The following KLF12 variants were observed in gnomAD, a reference collection of about 807,000 sequenced individuals.
The protein encoded by KLF12 is Krueppel-like factor 12.
In KLF12, 9 loss-of-function variants were observed where a neutral mutation model predicts 37.8. The observed-to-expected ratio is 0.24, with a 90% confidence interval of 0.14 to 0.42. The LOEUF is 0.42. Ranked by LOEUF, KLF12 falls within the 10% of genes least tolerant of loss-of-function variation. The probability of loss-of-function intolerance (pLI) is 1.00; values close to 1 mark genes in which losing one functional copy is unlikely to be tolerated. For missense variants in KLF12, 411 were observed against 516.0 expected (o/e 0.80, Z 1.97); for synonymous variants, 208 against 202.1 (o/e 1.03, Z -0.25).
intron 2 of KLF12, among the ~76,000 whole-genome samples, 195 bp from the exon 3 acceptor site, chr13:73,944,265 C>T (rs1413616106): frequency 6.6e-6 from 1 of 152,110 alleles, no homozygotes; most frequent in Non-Finnish European, 1.5e-5. Flanking sequence ...AATGACCAAG[C>T]AGTTGAATTA....
intron 2 of KLF12, among the ~76,000 whole-genome samples, chr13:73,956,738 T>C (rs764820305): frequency 2.0e-5 from 3 of 151,750 alleles, no homozygotes; most frequent in Non-Finnish European, 2.9e-5. Flanking sequence ...CCTGGCAACA[T>C]AGCAAGACCC....
At chr13:74,287,348 T>TAGAGAGAGAGAG in the KLF12 span, among the ~76,000 whole-genome samples, 1 of 11,262 alleles carries the variant, frequency 8.9e-5, no homozygotes, top group South Asian at 3.8e-3. Flanking sequence ...TCTATCAAAG[T>TAGAGAGAGAGAG]TGAGAGAGAG....
At chr13:73,919,926 C>T (rs988870604) in intron 3 of KLF12, among the ~76,000 whole-genome samples, 6 of 151,934 alleles carry the variant, frequency 3.9e-5, no homozygotes, top group African/African-American at 1.5e-4. Context: ...AATTTTTCTC[C>T]CCTGAATTTT....
the KLF12 span, among the ~76,000 whole-genome samples, chr13:74,151,843 C>T: frequency 6.6e-6 from 1 of 152,060 alleles, no homozygotes; most frequent in African/African-American, 2.4e-5. Flanking sequence ...ATAAAGATCA[C>T]TCTTTAAGTG....
chr13:74,231,175 T>A, the KLF12 span, among the ~76,000 whole-genome samples: 1 of 151,886 alleles, frequency 6.6e-6, no homozygotes, highest in Non-Finnish European at 1.5e-5. Context: ...ATGTCACTCC[T>A]TGGCTACTTC....
chr13:73,793,738 G>T (rs1881814872), intron 5 of KLF12, among the ~76,000 whole-genome samples: 1 of 152,128 alleles, frequency 6.6e-6, no homozygotes, highest in African/African-American at 2.4e-5. Context: ...TATTTAAATT[G>T]AAATAACTGA....
At chr13:74,036,715 G>A (rs117877548) in intron 1 of KLF12, among the ~76,000 whole-genome samples, 3,010 of 152,260 alleles carry the variant, frequency 0.02, 50 homozygotes, top group Non-Finnish European at 0.031. Context: ...AGAAGATGGT[G>A]ATGAAATTCC....
In KLF12 at chr13:74,024,672, G is replaced by C. The variant is rs186335332; in HGVS notation, c.-31-29619C>G. On this transcript the variant is annotated intron_variant, in intron 1 of 7. Coordinates refer to ENST00000377669, the MANE Select transcript of KLF12 (RefSeq NM_007249.5). ...CTATAAAATAATTGACAATATTAAC[G>C]AGTCTGTATTATTCATTTAAATATT... Among the ~76,000 whole-genome samples, 3 of 152,212 alleles carry C rather than the reference G, an allele frequency of 2.0e-5. No individual in the cohort carries two copies. In the East Asian group the frequency reaches 5.8e-4, roughly 29 times the overall value.
At chr13:73,735,785 A>T (rs1203204425) in intron 6 of KLF12, among the ~76,000 whole-genome samples, 2 of 152,262 alleles carry the variant, frequency 1.3e-5, no homozygotes, top group South Asian at 4.1e-4. Flanking sequence ...GAACAACTCT[A>T]TGAGATTGAT....
the KLF12 span, among the ~76,000 whole-genome samples, chr13:74,150,622 C>A: frequency 1.3e-5 from 2 of 152,166 alleles, no homozygotes; most frequent in Non-Finnish European, 2.9e-5. Flanking sequence ...ATAACTTTTA[C>A]CTTTCACTTA....
At chr13:74,123,609 G>A (rs531928948) in intron 1 of KLF12, among the ~76,000 whole-genome samples, 1 of 152,214 alleles carries the variant, frequency 6.6e-6, no homozygotes, top group East Asian at 1.9e-4. Context: ...TCTATTCCAG[G>A]GTCAACGGGT....
intron 2 of KLF12, among the ~76,000 whole-genome samples, chr13:73,966,602 T>C (rs925757114): frequency 2.6e-5 from 4 of 152,200 alleles, no homozygotes; most frequent in African/African-American, 9.6e-5. Flanking sequence ...TGTAGCTCCA[T>C]GTGCAAAAAG....
At chr13:73,837,027 T>C (rs1417359675) in intron 4 of KLF12, among the ~76,000 whole-genome samples, 1 of 152,200 alleles carries the variant, frequency 6.6e-6, no homozygotes, top group African/African-American at 2.4e-5. Flanking sequence ...CTTTAGCTGC[T>C]TTACCTAACA....
intron 6 of KLF12, among the ~76,000 whole-genome samples, chr13:73,720,023 A>G (rs1321658571): frequency 6.6e-6 from 1 of 152,198 alleles, no homozygotes; most frequent in Non-Finnish European, 1.5e-5. Context: ...AGTGTGTTCT[A>G]AAGTATTGCT....
the KLF12 span, among the ~76,000 whole-genome samples, chr13:74,143,203 A>T: frequency 1.4e-5 from 2 of 144,752 alleles, no homozygotes; most frequent in African/African-American, 2.6e-5. Flanking sequence ...CCTCTTTCTT[A>T]CTCTCTCTCT....
intron 1 of KLF12, among the ~76,000 whole-genome samples, chr13:74,090,152 C>T (rs186124932): frequency 1.3e-4 from 20 of 151,566 alleles, no homozygotes; most frequent in Admixed American, 9.2e-4. Flanking sequence ...TTGTATTGAA[C>T]GATCCAAAAA....
At chr13:73,737,873 A>G (rs189517431) in intron 6 of KLF12, among the ~76,000 whole-genome samples, 1 of 152,046 alleles carries the variant, frequency 6.6e-6, no homozygotes, top group Admixed American at 6.6e-5. Flanking sequence ...TGAAGAAGAC[A>G]AGATTGGCCA....
At chr13:73,808,310 C>T (rs9543461) in intron 5 of KLF12, among the ~76,000 whole-genome samples, 52,047 of 151,764 alleles carry the variant, frequency 0.34, 10,029 homozygotes, top group Middle Eastern at 0.45. Flanking sequence ...ATAGAAAAAA[C>T]GCAGAGCCCG....
chr13:73,853,543 C>A (rs530160414), intron 3 of KLF12, among the ~76,000 whole-genome samples: 6 of 152,184 alleles, frequency 3.9e-5, no homozygotes, highest in African/African-American at 1.2e-4. Context: ...TCAAGACCAG[C>A]CTGACCAACA....
Sources: allele counts gnomAD v4.1 joint callset (sites outside exome capture counted in the v4.1 genomes callset), GRCh38; gene constraint gnomAD v4.1.1; transcripts MANE v1.5; gene names NCBI Gene and HGNC (gene_info 2026-07-23, HGNC 2026-07-21).